Variants in ELMOD1 observed in about 807,000 individuals in gnomAD.
ELMOD1 encodes ELMO domain containing 1.
In ELMOD1, 21 loss-of-function variants were observed where a neutral mutation model predicts 46.7. The ratio of observed to expected loss-of-function variants is 0.45; its 90% confidence interval spans 0.32 to 0.65. The LOEUF is 0.65. ELMOD1 is among the 30% of genes least tolerant of loss of function. The pLI is 0.04. For missense variants in ELMOD1, 348 were observed against 407.8 expected (o/e 0.85, Z 1.26); for synonymous variants, 122 against 138.2 (o/e 0.88, Z 0.82).
intron 6 of ELMOD1, among the ~76,000 whole-genome samples, chr11:107,636,568 T>A (rs1171599070): frequency 1.3e-5 from 2 of 152,154 alleles, no homozygotes; most frequent in Non-Finnish European, 2.9e-5. Context: ...GTAACAAAAT[T>A]GTAAGAAAAC....
At chr11:107,651,668 T>C (rs953907507) in intron 9 of ELMOD1, among the ~76,000 whole-genome samples, 2 of 152,238 alleles carry the variant, frequency 1.3e-5, no homozygotes, top group Admixed American at 6.5e-5. Context: ...TCAAGCGATA[T>C]TAATTTTGTA....
rs1591136406 is a variant in ELMOD1, at chr11:107,654,303, G to T, written c.698+81G>T. 7 of 1,200,066 alleles carry T rather than the reference G, an allele frequency of 5.8e-6. No individual in the cohort carries two copies. In the East Asian group the frequency reaches 1.5e-4, roughly 26 times the overall value. 74.3% of individuals were successfully genotyped at this position (1,200,066 alleles called of 1,614,324 possible). Reference sequence around the variant, plus strand: ...GAACTAGAGTATCATGAAAGACAAGGGTGAAACTCTACTTGTCCTAATAGA... The same window carrying T: ...GAACTAGAGTATCATGAAAGACAAGTGTGAAACTCTACTTGTCCTAATAGA... On this transcript the variant is annotated intron_variant, in intron 10 of 11. Coordinates refer to ENST00000265840, the MANE Select transcript of ELMOD1 (RefSeq NM_018712.4).
intron 10 of ELMOD1, among the ~76,000 whole-genome samples, chr11:107,655,157 A>ATT (rs1322883298): frequency 5.4e-5 from 3 of 55,326 alleles, no homozygotes; most frequent in East Asian, 1.5e-3. Flanking sequence ...TTCCTTGCAC[A>ATT]TCTGTGTATA....
chr11:107,613,532 A>G (rs550961231), intron 1 of ELMOD1, among the ~76,000 whole-genome samples: 23 of 152,318 alleles, frequency 1.5e-4, no homozygotes, highest in African/African-American at 5.5e-4. Flanking sequence ...ACTCAGCACA[A>G]TATTGGACAC....
At chr11:107,620,230 A>G (rs1211623329) in intron 2 of ELMOD1, 1 of 152,216 alleles carries the variant, frequency 6.6e-6, no homozygotes, top group Non-Finnish European at 1.5e-5. Flanking sequence ...TAATCTGTCA[A>G]CTTCTGAGAT....
chr11:107,591,582 G>C (rs546143223), intron 1 of ELMOD1, among the ~76,000 whole-genome samples, 173 bp downstream of exon 1: 15 of 152,352 alleles, frequency 9.8e-5, no homozygotes, highest in African/African-American at 3.6e-4. Context: ...CTCTGCCTTG[G>C]TGCAGGGGCT....
At chr11:107,643,527 T>C in intron 6 of ELMOD1, 1 of 476,084 alleles carries the variant, frequency 2.1e-6, no homozygotes, top group Non-Finnish European at 4.3e-6. Flanking sequence ...TAGTATAGTC[T>C]GTAGTAGAAC....
Position 107,626,646 on chromosome 11 carries a change from CTTTCTTTCTT to C in ELMOD1, c.18-3759_18-3750del, listed in dbSNP as rs1866048220. Among the ~76,000 whole-genome samples the C allele has an allele frequency of 2.4e-5, 3 of 125,126 alleles. No individual in the cohort carries two copies. The South Asian group carries it at 7.3e-4, about 30-fold the overall frequency. 82.1% of individuals were successfully genotyped at this position (125,126 alleles called of 152,430 possible). A position where few individuals can be genotyped will look rare whatever the true frequency, so the allele number is the denominator to read the frequency against. ...CTTTCCTTCTTTTCTTTCCCTCTCT[CTTTCTTTCTT>C]TTTCTTTCTTTCTTTCTTTCCTAAA... On this transcript the variant is annotated intron_variant, in intron 2 of 11. Coordinates refer to ENST00000265840, the MANE Select transcript of ELMOD1 (RefSeq NM_018712.4).
intron 1 of ELMOD1, among the ~76,000 whole-genome samples, chr11:107,608,018 TAAA>T (rs34472766): frequency 2.4e-5 from 2 of 83,410 alleles, no homozygotes; most frequent in Non-Finnish European, 5.3e-5. Context: ...TCATTAGTGC[TAAA>T]AAAAAAAAAA....
intron 11 of ELMOD1, among the ~76,000 whole-genome samples, chr11:107,664,753 A>T (rs931578041): frequency 1.0e-5 from 1 of 98,404 alleles, no homozygotes; most frequent in African/African-American, 1.4e-4. Context: ...TTCATACTCA[A>T]GAGATGGCAG....
intron 4 of ELMOD1, 68 bp from the exon 5 acceptor site, chr11:107,631,512 A>G: frequency 1.1e-6 from 1 of 889,882 alleles, no homozygotes; most frequent in Non-Finnish European, 1.6e-6. Context: ...TGAAGCCTCT[A>G]TCCCAGTAGA....
intron 6 of ELMOD1, among the ~76,000 whole-genome samples, chr11:107,646,501 G>A (rs749513369): frequency 3.9e-5 from 6 of 152,114 alleles, no homozygotes; most frequent in East Asian, 1.9e-4. Flanking sequence ...TTGGGAGGCC[G>A]AGGCAGGCAG....
At chr11:107,662,087 G>A (rs1469979152) in intron 11 of ELMOD1, among the ~76,000 whole-genome samples, 1 of 152,238 alleles carries the variant, frequency 6.6e-6, no homozygotes, top group Non-Finnish European at 1.5e-5. Flanking sequence ...GATTGAAGTT[G>A]TTCTGTGAAA....
intron 5 of ELMOD1, among the ~76,000 whole-genome samples, chr11:107,633,823 ATGGACTTT>A (rs1866182933): frequency 6.6e-6 from 1 of 151,912 alleles, no homozygotes; most frequent in African/African-American, 2.4e-5. Flanking sequence ...TCCATACTAC[ATGGACTTT>A]CTAGGTGGCT....
intron 2 of ELMOD1, among the ~76,000 whole-genome samples, chr11:107,626,897 T>C (rs1237001140): frequency 6.6e-6 from 1 of 152,182 alleles, no homozygotes; most frequent in Non-Finnish European, 1.5e-5. Flanking sequence ...CAGTATTTGA[T>C]GGTGAACAGC....
At chr11:107,643,063 C>T (rs1866354024) in intron 6 of ELMOD1, 1 of 227,468 alleles carries the variant, frequency 4.4e-6, no homozygotes, top group African/African-American at 2.4e-5. Flanking sequence ...AGCATGTGGC[C>T]AGGCACAGTG....
At position 107,638,622 on chromosome 11, in the gene ELMOD1, CTT is replaced by C. The variant is rs376748275; in HGVS notation, c.420+2858_420+2859del. Among the ~76,000 whole-genome samples the C allele has an allele frequency of 1.3e-3, 205 of 152,288 alleles. 1 individual carries two copies. Among genetic ancestry groups the C allele is most frequent in the African/African-American group, 4.7e-3 (195 of 41,558 alleles). ...CATCTTTAAAATGGGTAATAATACC[CTT>C]GTTACCTACTTCACAGAACTGTTTA... On this transcript the variant is annotated intron_variant, in intron 6 of 11. Transcript: ENST00000265840.
At chr11:107,646,879 T>C (rs762219117) in intron 6 of ELMOD1, among the ~76,000 whole-genome samples, 2 of 152,150 alleles carry the variant, frequency 1.3e-5, no homozygotes, top group African/African-American at 2.4e-5. Flanking sequence ...CTTCTCTCTT[T>C]TCTTTATACT....
intron 1 of ELMOD1, among the ~76,000 whole-genome samples, chr11:107,594,965 GT>G (rs766832482): frequency 6.6e-6 from 1 of 152,180 alleles, no homozygotes; most frequent in Non-Finnish European, 1.5e-5. Context: ...CCACATACAT[GT>G]GTGTCTTTGA....
Sources: allele counts gnomAD v4.1 joint callset (sites outside exome capture counted in the v4.1 genomes callset), GRCh38; gene constraint gnomAD v4.1.1; transcripts MANE v1.5; gene names NCBI Gene and HGNC (gene_info 2026-07-23, HGNC 2026-07-21).